The following GALNTL6 variants were observed in gnomAD, a reference collection of about 807,000 sequenced individuals.
GALNTL6 encodes the protein polypeptide N-acetylgalactosaminyltransferase like 6.
Under a neutral mutation model 73.7 loss-of-function variants are expected in GALNTL6, and 46 were observed. The observed-to-expected ratio is 0.62, with a 90% CI of 0.49 to 0.80. GALNTL6 has a LOEUF of 0.80. Among genes scored for constraint, GALNTL6 ranks in the 30% least tolerant of loss-of-function variants. The probability of loss-of-function intolerance (pLI) is 0.00; values close to 1 mark genes in which losing one functional copy is unlikely to be tolerated. For missense variants in GALNTL6, 604 were observed against 755.0 expected (o/e 0.80, Z 2.34); for synonymous variants, 259 against 263.7 (o/e 0.98, Z 0.17).
intron 2 of GALNTL6, among the ~76,000 whole-genome samples, chr4:171,836,764 T>C (rs1316288704): frequency 1.3e-5 from 2 of 152,102 alleles, no homozygotes; most frequent in Non-Finnish European, 2.9e-5. Context: ...ACATGAGAGT[T>C]GGGTGATGGC....
intron 3 of GALNTL6, among the ~76,000 whole-genome samples, chr4:172,295,385 G>A (rs947047985): frequency 1.3e-5 from 2 of 149,910 alleles, no homozygotes; most frequent in Admixed American, 1.3e-4. Flanking sequence ...TCGCACCACT[G>A]CACTCGAGCC....
intron 2 of GALNTL6, among the ~76,000 whole-genome samples, chr4:171,909,103 C>A (rs191841534): frequency 2.0e-5 from 3 of 149,528 alleles, no homozygotes; most frequent in Non-Finnish European, 4.4e-5. Context: ...ATGTAACTAA[C>A]CTGCACATTG....
intron 5 of GALNTL6, among the ~76,000 whole-genome samples, chr4:172,577,707 G>GC (rs1737011619): frequency 6.6e-6 from 1 of 152,104 alleles, no homozygotes; most frequent in Non-Finnish European, 1.5e-5. Flanking sequence ...GGTAAGCACT[G>GC]CTGCTTTCTC....
At chr4:171,937,823 A>C (rs1334281184) in intron 2 of GALNTL6, among the ~76,000 whole-genome samples, 2 of 152,166 alleles carry the variant, frequency 1.3e-5, no homozygotes, top group Non-Finnish European at 2.9e-5. Context: ...TTAGTGTTTT[A>C]ATTATTTGCT....
intron 5 of GALNTL6, among the ~76,000 whole-genome samples, chr4:172,458,585 A>G (rs1326914965): frequency 6.6e-6 from 1 of 152,204 alleles, no homozygotes; most frequent in South Asian, 2.1e-4. Flanking sequence ...AGAGAATACT[A>G]TGAACACCTC....
intron 2 of GALNTL6, among the ~76,000 whole-genome samples, chr4:172,086,267 A>T (rs1033482287): frequency 1.3e-5 from 2 of 152,094 alleles, no homozygotes; most frequent in Non-Finnish European, 2.9e-5. Context: ...ATACATGAAG[A>T]TCTATTTGCA....
At chr4:172,034,208 C>T (rs945046191) in intron 2 of GALNTL6, among the ~76,000 whole-genome samples, 2 of 152,086 alleles carry the variant, frequency 1.3e-5, no homozygotes, top group South Asian at 2.1e-4. Flanking sequence ...CTAACCTCCC[C>T]TGTGCCTGAG....
chr4:172,193,744 T>C (rs1735657454), intron 2 of GALNTL6, among the ~76,000 whole-genome samples: 1 of 152,094 alleles, frequency 6.6e-6, no homozygotes, highest in Non-Finnish European at 1.5e-5. Context: ...GTGCCTGTAG[T>C]CCCAGCTACT....
At chr4:172,630,715 A>G (rs1406213668) in intron 5 of GALNTL6, among the ~76,000 whole-genome samples, 3 of 150,942 alleles carry the variant, frequency 2.0e-5, no homozygotes, top group Admixed American at 1.3e-4. Context: ...CAACATATAT[A>G]TATATAATAC....
chr4:171,831,212 G>T (rs1734960232), intron 2 of GALNTL6, among the ~76,000 whole-genome samples: 1 of 151,930 alleles, frequency 6.6e-6, no homozygotes, highest in African/African-American at 2.4e-5. Flanking sequence ...ATTTGAATTA[G>T]CAGTCACGTA....
chr4:171,850,386 A>G (rs994697800), intron 2 of GALNTL6, among the ~76,000 whole-genome samples: 2 of 152,220 alleles, frequency 1.3e-5, no homozygotes, highest in African/African-American at 4.8e-5. Flanking sequence ...GGAGAAAGTT[A>G]CTGAAATCAG....
chr4:172,377,906 C>A (rs182961097), intron 5 of GALNTL6, among the ~76,000 whole-genome samples: 39 of 152,086 alleles, frequency 2.6e-4, no homozygotes, highest in Non-Finnish European at 4.3e-4. Flanking sequence ...CCAGATCCCC[C>A]CCCCCATGCC....
chr4:172,410,989 T>C (rs975191835), intron 5 of GALNTL6, among the ~76,000 whole-genome samples: 3 of 152,124 alleles, frequency 2.0e-5, no homozygotes, highest in Non-Finnish European at 4.4e-5. Flanking sequence ...ACAAGCCACA[T>C]TTGAAGAGAC....
intron 5 of GALNTL6, chr4:172,668,176 TG>T (rs1300294788): frequency 6.6e-6 from 1 of 152,220 alleles, no homozygotes; most frequent in African/African-American, 2.4e-5. Flanking sequence ...TTGCCATTGA[TG>T]AGTTCCACAG....
intron 8 of GALNTL6, among the ~76,000 whole-genome samples, chr4:172,906,739 T>G (rs1746914635): frequency 6.6e-6 from 1 of 152,240 alleles, no homozygotes; most frequent in African/African-American, 2.4e-5. Flanking sequence ...CCTTGCCATG[T>G]GGCCCCCTCC....
intron 8 of GALNTL6, among the ~76,000 whole-genome samples, chr4:172,904,490 T>G (rs1482755961): frequency 6.6e-6 from 1 of 152,178 alleles, no homozygotes; most frequent in Non-Finnish European, 1.5e-5. Context: ...TTCTGGTTCT[T>G]GTCCTCACCT....
chr4:172,657,075 A>G (rs537055238), intron 5 of GALNTL6, among the ~76,000 whole-genome samples: 2 of 152,328 alleles, frequency 1.3e-5, no homozygotes, highest in South Asian at 4.1e-4. Flanking sequence ...GATTGTAACC[A>G]TTGTTGATTT....
chr4:172,994,960 C>G (rs1751710931), intron 10 of GALNTL6, among the ~76,000 whole-genome samples: 1 of 152,120 alleles, frequency 6.6e-6, no homozygotes, highest in South Asian at 2.1e-4. Flanking sequence ...ACCATCTGAC[C>G]TGACTTCAAA....
chr4:172,437,574 A>G (rs1335996006), intron 5 of GALNTL6, among the ~76,000 whole-genome samples: 2 of 152,100 alleles, frequency 1.3e-5, no homozygotes, highest in South Asian at 2.1e-4. Context: ...TTAGCCAACA[A>G]TCTTGCTTAG....
Sources: gnomAD v4.1 joint callset for allele counts (sites outside exome capture counted in the v4.1 genomes callset) on GRCh38, gnomAD v4.1.1 for gene constraint, MANE v1.5 for transcripts, NCBI Gene and HGNC (gene_info 2026-07-23, HGNC 2026-07-21) for gene names.